The following PTBP2 variants were observed in gnomAD, a reference collection of about 807,000 sequenced individuals.
The protein encoded by PTBP2 is polypyrimidine tract binding protein 2.
PTBP2 carries 13 observed loss-of-function variants against 61.4 expected under a neutral mutation model. The ratio of observed to expected loss-of-function variants is 0.21; its 90% CI spans 0.14 to 0.34. The LOEUF (loss-of-function observed/expected upper bound fraction) is 0.34, where lower values mean the gene tolerates loss of function less well. Among genes scored for constraint, PTBP2 ranks in the 10% least tolerant of loss-of-function variants. The pLI is 1.00. For missense variants in PTBP2, 405 were observed against 642.6 expected (o/e 0.63, Z 4.00); for synonymous variants, 215 against 218.5 (o/e 0.98, Z 0.14).
At chr1:96,761,356 G>A (rs1354769478) in intron 3 of PTBP2, among the ~76,000 whole-genome samples, 3 of 134,886 alleles carry the variant, frequency 2.2e-5, no homozygotes, top group South Asian at 2.1e-4. Context: ...ATGTGTGTGT[G>A]TGTGTGTGTG....
chr1:96,810,403 A>C lies in PTBP2; in HGVS notation c.1172-2309A>C, dbSNP rs191760886. On this transcript the variant is annotated intron_variant, in intron 11 of 13. Transcript: ENST00000674951. ...TGACAAAGCTTTTGTTTTCTTTTTT[A>C]CTTAAAAATTTTGGTATTCTAATTA... Among the ~76,000 whole-genome samples the C allele has an allele frequency of 2.0e-5, 3 of 151,946 alleles. No individual in the cohort carries two copies. The East Asian group carries it at 5.8e-4, about 29-fold the overall frequency.
intron 2 of PTBP2, among the ~76,000 whole-genome samples, chr1:96,733,772 A>T (rs1570714209): frequency 6.6e-6 from 1 of 152,186 alleles, no homozygotes; most frequent in Non-Finnish European, 1.5e-5. Flanking sequence ...AGATCCACTT[A>T]TACAGAATTT....
chr1:96,803,126 G>T (rs778807613), intron 8 of PTBP2, among the ~76,000 whole-genome samples: 26 of 152,250 alleles, frequency 1.7e-4, no homozygotes, highest in Non-Finnish European at 3.2e-4. Flanking sequence ...TAATATAGTA[G>T]AATATTTGGT....
intron 8 of PTBP2, among the ~76,000 whole-genome samples, chr1:96,786,529 A>G (rs1659221330): frequency 1.3e-5 from 2 of 152,214 alleles, no homozygotes; most frequent in Admixed American, 6.5e-5. Context: ...AAAGTCAGGA[A>G]TGAAAGAGTG....
chr1:96,752,820 G>A (rs1450812617), intron 3 of PTBP2, among the ~76,000 whole-genome samples: 5 of 152,080 alleles, frequency 3.3e-5, no homozygotes, highest in Non-Finnish European at 7.4e-5. Context: ...AATAAAATAC[G>A]TGGAACAACT....
Position 96,802,205 on chromosome 1 carries a change from C to T in PTBP2, c.905-2595C>T, listed in dbSNP as rs184109502. Among the ~76,000 whole-genome samples the T allele has an allele frequency of 5.7e-3, 612 of 106,844 alleles. 3 individuals are homozygous for T. Among genetic ancestry groups the T allele is most frequent in the East Asian group, 0.032 (109 of 3,458 alleles). 70.1% of individuals were successfully genotyped at this position (106,844 alleles called of 152,430 possible). On this transcript the variant is annotated intron_variant, in intron 8 of 13. Coordinates refer to ENST00000674951, the MANE Select transcript of PTBP2 (RefSeq NM_021190.4). ...CAACCTGAGAGACACAGCGAGACTC[C>T]GTCTCGAAAAAAAAAAAAAAAAAAA... is the stretch of plus-strand genomic sequence containing the variant.
chr1:96,777,322 A>T (rs546754726), intron 5 of PTBP2, among the ~76,000 whole-genome samples: 67 of 152,308 alleles, frequency 4.4e-4, no homozygotes, highest in African/African-American at 1.6e-3. Context: ...TTTGAGAATA[A>T]ATTACATATC....
chr1:96,742,890 A>G (rs1474617475), intron 2 of PTBP2, among the ~76,000 whole-genome samples: 1 of 152,040 alleles, frequency 6.6e-6, no homozygotes, highest in Non-Finnish European at 1.5e-5. Flanking sequence ...TAATTTCTTA[A>G]TGTCGTCTAA....
intron 2 of PTBP2, among the ~76,000 whole-genome samples, chr1:96,724,053 T>TA (rs753676490): frequency 3.9e-5 from 6 of 152,206 alleles, no homozygotes; most frequent in Admixed American, 6.5e-5. Flanking sequence ...AAAAGGAAGT[T>TA]GTTGAGGCAG....
intron 2 of PTBP2, among the ~76,000 whole-genome samples, chr1:96,742,613 T>C (rs1030739269): frequency 5.3e-5 from 8 of 151,940 alleles, no homozygotes; most frequent in Non-Finnish European, 2.9e-5. Flanking sequence ...CTCCTTTATT[T>C]TCTTTTAAAA....
chr1:96,732,114 C>T (rs1011541987), intron 2 of PTBP2, among the ~76,000 whole-genome samples: 2 of 152,110 alleles, frequency 1.3e-5, no homozygotes, highest in Non-Finnish European at 2.9e-5. Flanking sequence ...TCTAAATATT[C>T]TGAAAGTACT....
intron 2 of PTBP2, among the ~76,000 whole-genome samples, chr1:96,731,716 T>C (rs138879786): frequency 6.6e-6 from 1 of 152,196 alleles, no homozygotes; most frequent in Non-Finnish European, 1.5e-5. Flanking sequence ...TTCTTGATTT[T>C]AGACTTTTTT....
rs192380978 is a variant in PTBP2 at position 96,778,972 on chromosome 1, A to G, written c.708+1026A>G. Among the ~76,000 whole-genome samples, 11 of 152,202 alleles carry G rather than the reference A, an allele frequency of 7.2e-5. No homozygotes were observed. In the East Asian group the frequency reaches 1.9e-3, roughly 27 times the overall value. On this transcript the variant is annotated intron_variant, in intron 7 of 13. Coordinates refer to ENST00000674951, the MANE Select transcript of PTBP2 (RefSeq NM_021190.4). ...TCTCATTTTTTCTGACCACTACTCT[A>G]TATTGTCAACAAAACAGGGTTTTCC...
At chr1:96,788,915 A>G (rs2101089855) in intron 8 of PTBP2, among the ~76,000 whole-genome samples, 1 of 152,198 alleles carries the variant, frequency 6.6e-6, no homozygotes, top group Admixed American at 6.5e-5. Flanking sequence ...CTTTGTAATG[A>G]GTTTAAAATC....
chr1:96,748,214 A>T (rs968863523), intron 2 of PTBP2, among the ~76,000 whole-genome samples: 1 of 152,194 alleles, frequency 6.6e-6, no homozygotes, highest in African/African-American at 2.4e-5. Context: ...GTCCCAAACC[A>T]TAGCAGAGCC....
intron 2 of PTBP2, among the ~76,000 whole-genome samples, chr1:96,735,316 G>GTT (rs1242686779): frequency 6.6e-6 from 1 of 152,156 alleles, no homozygotes; most frequent in African/African-American, 2.4e-5. Context: ...AACATTTAAT[G>GTT]TAAGTTGGAA....
At chr1:96,817,996 A>G (rs1443078460), downstream of PTBP2, 1 of 152,096 alleles carries the variant, frequency 6.6e-6, no homozygotes, top group African/African-American at 2.4e-5. Context: ...TGTTTAAGAA[A>G]TAAGTCATTT....
intron 3 of PTBP2, among the ~76,000 whole-genome samples, chr1:96,768,484 G>A (rs1179941379): frequency 6.6e-6 from 1 of 151,828 alleles, no homozygotes; most frequent in African/African-American, 2.4e-5. Context: ...GAGTATACAT[G>A]TATATTTCTG....
At chr1:96,752,246 T>G (rs143882011) in intron 3 of PTBP2, among the ~76,000 whole-genome samples, 1 of 152,208 alleles carries the variant, frequency 6.6e-6, no homozygotes, top group East Asian at 1.9e-4. Context: ...ATCAAATGAA[T>G]TTACCTCACA....
Sources: gnomAD v4.1 joint callset for allele counts (sites outside exome capture counted in the v4.1 genomes callset) on GRCh38, gnomAD v4.1.1 for gene constraint, MANE v1.5 for transcripts, NCBI Gene and HGNC (gene_info 2026-07-23, HGNC 2026-07-21) for gene names.